NR4A1: variants seen among roughly 807,000 people sequenced by gnomAD.
NR4A1 encodes the protein nuclear receptor subfamily 4 group A member 1.
A neutral mutation model predicts 47.5 loss-of-function variants in NR4A1; 24 were observed. The ratio of observed to expected loss-of-function variants is 0.50; its 90% confidence interval spans 0.37 to 0.71. The LOEUF is 0.71. Among genes scored for constraint, NR4A1 ranks in the 30% least tolerant of loss-of-function variants. NR4A1 has a pLI of 0.00. For synonymous variants in NR4A1, 353 were observed against 345.7 expected (o/e 1.02, Z -0.24); for missense variants, 669 against 788.6 (o/e 0.85, Z 1.82).
upstream of NR4A1, among the ~76,000 whole-genome samples, chr12:52,050,868 C>G (rs565495610): frequency 2.0e-5 from 3 of 152,310 alleles, no homozygotes; most frequent in African/African-American, 7.2e-5. Flanking sequence ...CTGTCCTGAC[C>G]GCCCAGCAGC....
At position 52,054,916 on chromosome 12, in the gene NR4A1, C is replaced by T. The variant is rs61734309; in HGVS notation, c.588C>T (p.Thr196=). 8.8e-4 allele frequency: 1,414 copies of T among 1,614,162 alleles called. 5 individuals carry two copies. The African/African-American group carries it at 0.012, about 14-fold the overall frequency. Residue 196 remains threonine (T), a synonymous_variant, in exon 2 of 7, where the codon ACC becomes ACT. Coordinates refer to ENST00000394825, the MANE Select transcript of NR4A1 (RefSeq NM_173157.3). ...CCTTCTTTTCCTTCAGTCCTCCCAC[C>T]GGCCCCAGCCCCAGCCTGGCCCAGA... ...PPAFFSFSPP[T]GPSPSLAQSP...
At chr12:52,026,723 C>A (rs55885190) in intron 1 of NR4A1, among the ~76,000 whole-genome samples, 2,549 of 152,318 alleles carry the variant, frequency 0.017, 35 homozygotes, top group Non-Finnish European at 0.025. Flanking sequence ...AAACAAGCAA[C>A]TGAGGCTTAG....
upstream of NR4A1, among the ~76,000 whole-genome samples, chr12:52,050,826 G>A (rs545589108): frequency 6.6e-6 from 1 of 152,204 alleles, no homozygotes; most frequent in African/African-American, 2.4e-5. Context: ...GCTCCCCAGG[G>A]TGTGTCCGAA....
intron 2 of NR4A1, 45 bp from the exon 3 acceptor site, chr12:52,055,985 C>A: frequency 1.9e-6 from 2 of 1,045,602 alleles, no homozygotes; most frequent in Non-Finnish European, 2.6e-6. Flanking sequence ...CCCCCCTCCC[C>A]ACCCCACACT....
intron 1 of NR4A1, among the ~76,000 whole-genome samples, chr12:52,028,077 C>G (rs1938034823): frequency 6.6e-6 from 1 of 151,516 alleles, no homozygotes; most frequent in Admixed American, 6.6e-5. Context: ...TGGCATGTGC[C>G]TTTAGTCCCA....
At chr12:52,043,804 C>G in intron 2 of NR4A1, 1 of 1,288,196 alleles carries the variant, frequency 7.8e-7, no homozygotes, top group Non-Finnish European at 1.0e-6. Flanking sequence ...CCCCACAGGG[C>G]TCCCTGAGAC....
At chr12:52,026,974 A>G (rs960666577) in intron 1 of NR4A1, among the ~76,000 whole-genome samples, 1 of 152,216 alleles carries the variant, frequency 6.6e-6, no homozygotes, top group Non-Finnish European at 1.5e-5. Context: ...CCTCAACTCC[A>G]TGGACCGCAG....
At chr12:52,025,784 A>T (rs1268438406) in intron 1 of NR4A1, among the ~76,000 whole-genome samples, 3 of 152,258 alleles carry the variant, frequency 2.0e-5, no homozygotes, top group Middle Eastern at 6.8e-3. Context: ...ATGTGAAGGG[A>T]TCCACCTTCC....
rs772641463 is a variant in NR4A1 at position 52,058,818 on chromosome 12, C to A, written c.1671C>A (p.Gly557=). The change falls in exon 7 of 7, where the codon GGC becomes GGA. Residue 557 remains glycine (G), a synonymous_variant. Coordinates refer to ENST00000394825, the MANE Select transcript of NR4A1 (RefSeq NM_173157.3). ...QPASCLSRLL[G]KLPELRTLCT... is the part of the protein sequence containing the mutation. The stretch of plus-strand genomic sequence containing the variant: ...CCAGCTGCCTGTCACGTCTGTTGGG[C>A]AAACTGCCCGAGCTGCGGACCCTGT... 5.6e-6 allele frequency: 9 copies of A among 1,613,812 alleles called. No individual in the cohort carries two copies. Among genetic ancestry groups the A allele is most frequent in the Non-Finnish European group, 7.6e-6 (9 of 1,179,968 alleles).
upstream of NR4A1, among the ~76,000 whole-genome samples, chr12:52,049,175 C>T (rs956347395): frequency 5.9e-5 from 9 of 152,158 alleles, no homozygotes; most frequent in Admixed American, 2.0e-4. Flanking sequence ...ACTTGTACTG[C>T]GAATACTCAA....
At chr12:52,037,447 A>G in intron 1 of NR4A1, 2 of 976,490 alleles carry the variant, frequency 2.0e-6, no homozygotes, top group Non-Finnish European at 2.4e-6. Context: ...GGGCCAGGTG[A>G]GGGGCTGCCG....
Position 52,054,515 on chromosome 12 carries a change from G to C in NR4A1, c.187G>C (p.Glu63Gln), listed in dbSNP as rs768129206. The C allele has an allele frequency of 6.2e-7, 1 of 1,614,004 alleles. No individual in the cohort carries two copies. Among genetic ancestry groups the C allele is most frequent in the South Asian group, 1.1e-5 (1 of 91,086 alleles). The change falls in exon 2 of 7, where the codon GAG becomes CAG. Residue 63 changes from glutamate (E) to glutamine (Q), a missense_variant. Physicochemically the swap from Glu to Gln is conservative, Grantham distance 29 (BLOSUM62 2). Coordinates refer to ENST00000394825, the MANE Select transcript of NR4A1 (RefSeq NM_173157.3). ...FSTFMDGYTGEFDTFLYQLPG... is the reference protein window; with the variant it reads ...FSTFMDGYTGQFDTFLYQLPG... ...CACCTTCATGGACGGCTACACAGGA[G>C]AGTTTGACACCTTCCTCTACCAGCT...
intron 1 of NR4A1, chr12:52,038,510 G>A (rs1489223725): frequency 1.8e-6 from 1 of 550,784 alleles, no homozygotes; most frequent in East Asian, 3.1e-5. Flanking sequence ...CTGGGCAGAG[G>A]TTGGTAGGTT....
At chr12:52,031,950 C>A (rs1188000803) in intron 1 of NR4A1, among the ~76,000 whole-genome samples, 2 of 151,994 alleles carry the variant, frequency 1.3e-5, no homozygotes, top group African/African-American at 2.4e-5. Context: ...GTGCCCGCCA[C>A]CACGCCCAGC....
chr12:52,030,435 G>T (rs1476640892), intron 1 of NR4A1, among the ~76,000 whole-genome samples: 5 of 152,012 alleles, frequency 3.3e-5, no homozygotes, highest in African/African-American at 1.2e-4. Flanking sequence ...TTTTTATTTT[G>T]TATTATTTTT....
In NR4A1 at chr12:52,058,710, G is replaced by T; in HGVS notation, c.1563G>T (p.Pro521=). 2 of 1,605,282 alleles carry T rather than the reference G, an allele frequency of 1.2e-6. No homozygotes were observed. The highest frequency in any genetic ancestry group is 1.1e-5 in the South Asian group (1 of 90,684). Reference sequence around the variant, plus strand: ...CAGACCGGCATGGGCTGCAGGAGCCGCGGCGGGTGGAGGAGCTGCAGAACC... The same window carrying T: ...CAGACCGGCATGGGCTGCAGGAGCCTCGGCGGGTGGAGGAGCTGCAGAACC... ...LITDRHGLQE[P]RRVEELQNRI... The change falls in exon 7 of 7, where the codon CCG becomes CCT. Residue 521 remains proline, a synonymous_variant. Transcript: ENST00000394825.
chr12:52,057,572 CAG>C (rs1565655181), intron 6 of NR4A1, 42 bp downstream of exon 6: 16 of 1,606,776 alleles, frequency 1.0e-5, no homozygotes, highest in African/African-American at 5.3e-5. Context: ...GAATGGGCGT[CAG>C]GGGGTTGACT....
rs189198499 is a variant in NR4A1 at position 52,056,615 on chromosome 12, G to A, written c.1128G>A (p.Gly376=). The A allele has an allele frequency of 5.0e-6, 8 of 1,607,008 alleles. No individual in the cohort carries two copies. The East Asian group carries it at 1.3e-4, about 27-fold the overall frequency. Reference sequence around the variant, plus strand: ...TGGTCCGTGCACACCTGGACTCAGGGCCCAGCACTGCCAAACTGGACTACT... The same window carrying A: ...TGGTCCGTGCACACCTGGACTCAGGACCCAGCACTGCCAAACTGGACTACT... ...TSLVRAHLDS[G]PSTAKLDYSK... is the part of the protein sequence containing the mutation. The change falls in exon 4 of 7, where the codon GGG becomes GGA. Residue 376 remains glycine, a synonymous_variant. Coordinates refer to ENST00000394825, the MANE Select transcript of NR4A1 (RefSeq NM_173157.3).
intron 1 of NR4A1, among the ~76,000 whole-genome samples, chr12:52,028,525 G>T (rs892458336): frequency 6.6e-6 from 1 of 151,882 alleles, no homozygotes; most frequent in Admixed American, 6.5e-5. Flanking sequence ...AGTGAGCTGA[G>T]ATTGAGCCAC....
Sources: allele counts gnomAD v4.1 joint callset (sites outside exome capture counted in the v4.1 genomes callset), GRCh38; gene constraint gnomAD v4.1.1; transcripts MANE v1.5; gene names NCBI Gene and HGNC (gene_info 2026-07-23, HGNC 2026-07-21).